The following SPON1 variants were observed in gnomAD, a reference collection of about 807,000 sequenced individuals.
SPON1 encodes spondin-1.
SPON1 carries 52 observed loss-of-function variants against 111.7 expected under a neutral mutation model. That is an observed-to-expected ratio of 0.47 (90% CI 0.37 to 0.59). The LOEUF (loss-of-function observed/expected upper bound fraction) is 0.59, where lower values mean the gene tolerates loss of function less well. SPON1 is among the 20% of genes least tolerant of loss of function. The pLI, the probability that SPON1 is intolerant of heterozygous loss-of-function variation, is 0.00. For missense variants in SPON1, 957 were observed against 1,068.5 expected (o/e 0.90, Z 1.46); for synonymous variants, 410 against 395.8 (o/e 1.04, Z -0.43).
At chr11:13,978,280 A>T (rs1185185152) in intron 1 of SPON1, among the ~76,000 whole-genome samples, 7 of 152,156 alleles carry the variant, frequency 4.6e-5, no homozygotes, top group African/African-American at 1.7e-4. Flanking sequence ...TGTCAATATC[A>T]CAAAGAGCAT....
intron 2 of SPON1, among the ~76,000 whole-genome samples, chr11:14,006,758 A>G (rs1431109368): frequency 6.6e-6 from 1 of 152,132 alleles, no homozygotes; most frequent in East Asian, 1.9e-4. Flanking sequence ...GCCCTGAATG[A>G]ACACATCTTT....
intron 7 of SPON1, among the ~76,000 whole-genome samples, chr11:14,252,487 G>C (rs1403984576): frequency 2.1e-5 from 3 of 142,240 alleles, no homozygotes; most frequent in African/African-American, 5.3e-5. Context: ...CCTGCGCAGA[G>C]TGTGGGAATC....
At chr11:14,187,438 G>T (rs961321021) in intron 6 of SPON1, among the ~76,000 whole-genome samples, 20 of 152,010 alleles carry the variant, frequency 1.3e-4, no homozygotes, top group Non-Finnish European at 4.4e-5. Flanking sequence ...CACCATATTG[G>T]TTTTTTTCAT....
At chr11:14,033,896 C>T (rs1848576065) in intron 2 of SPON1, among the ~76,000 whole-genome samples, 1 of 152,188 alleles carries the variant, frequency 6.6e-6, no homozygotes, top group Non-Finnish European at 1.5e-5. Flanking sequence ...AGGAGTCAAG[C>T]AGCTGCCTTA....
intron 6 of SPON1, among the ~76,000 whole-genome samples, chr11:14,200,705 C>T (rs1215471281): frequency 1.3e-5 from 2 of 150,696 alleles, no homozygotes; most frequent in Admixed American, 1.3e-4. Context: ...ATCCCAGCTA[C>T]TCAGGTGGCT....
At chr11:14,028,496 A>G (rs1289516408) in intron 2 of SPON1, among the ~76,000 whole-genome samples, 1 of 152,130 alleles carries the variant, frequency 6.6e-6, no homozygotes, top group Non-Finnish European at 1.5e-5. Context: ...ATAAAATTTT[A>G]AAAAAGAATA....
intron 2 of SPON1, among the ~76,000 whole-genome samples, chr11:14,006,857 T>C: frequency 6.6e-6 from 1 of 152,206 alleles, no homozygotes; most frequent in Non-Finnish European, 1.5e-5. Context: ...GCTAATTTCC[T>C]AGAGCTGCTG....
At chr11:14,036,202 T>C (rs1011434907) in intron 2 of SPON1, among the ~76,000 whole-genome samples, 1 of 152,214 alleles carries the variant, frequency 6.6e-6, no homozygotes, top group Non-Finnish European at 1.5e-5. Flanking sequence ...GAGATAATTA[T>C]ATTGTAATGA....
At chr11:14,065,935 AAG>A in intron 3 of SPON1, among the ~76,000 whole-genome samples, 2 of 152,160 alleles carry the variant, frequency 1.3e-5, no homozygotes, top group African/African-American at 2.4e-5. Context: ...CCCTGGACTC[AAG>A]GGGCTCTGAG....
intron 6 of SPON1, among the ~76,000 whole-genome samples, chr11:14,229,951 CGTGTGTGTGTGTGT>C (rs55709324): frequency 1.2e-4 from 17 of 144,968 alleles, no homozygotes; most frequent in East Asian, 4.1e-4. Context: ...TCTGTGTGTC[CGTGTGTGTGTGTGT>C]GTGTGTGTGT....
intron 2 of SPON1, among the ~76,000 whole-genome samples, chr11:14,024,419 A>G (rs1425121498): frequency 2.0e-5 from 3 of 152,142 alleles, no homozygotes; most frequent in African/African-American, 7.2e-5. Context: ...GCGCTCAGCA[A>G]GATGGATGGG....
intron 6 of SPON1, among the ~76,000 whole-genome samples, chr11:14,174,468 A>C (rs556075775): frequency 1.4e-4 from 22 of 152,166 alleles, no homozygotes; most frequent in Non-Finnish European, 2.2e-4. Flanking sequence ...CACAATGCAA[A>C]ACAGAACACA....
chr11:14,216,944 A>G (rs1848631932), intron 6 of SPON1, among the ~76,000 whole-genome samples: 1 of 152,232 alleles, frequency 6.6e-6, no homozygotes, highest in Non-Finnish European at 1.5e-5. Flanking sequence ...AAAGCAGCAT[A>G]ACTATTGTGT....
At chr11:14,021,997 T>G (rs1204664956) in intron 2 of SPON1, among the ~76,000 whole-genome samples, 7 of 152,180 alleles carry the variant, frequency 4.6e-5, no homozygotes, top group Non-Finnish European at 8.8e-5. Context: ...TTTTTATTGT[T>G]GAAAGCAGAA....
intron 6 of SPON1, among the ~76,000 whole-genome samples, chr11:14,233,885 C>G (rs187089960): frequency 4.7e-4 from 71 of 151,454 alleles, no homozygotes; most frequent in African/African-American, 1.7e-3. Flanking sequence ...GCCTCAGCCT[C>G]CCAAGTAGCT....
At chr11:14,012,154 C>T (rs1554913795) in intron 2 of SPON1, among the ~76,000 whole-genome samples, 5 of 152,092 alleles carry the variant, frequency 3.3e-5, no homozygotes, top group African/African-American at 1.2e-4. Flanking sequence ...TCCTCTTTAC[C>T]AGTTGGGACT....
At chr11:13,969,313 G>A (rs868986385) in intron 1 of SPON1, among the ~76,000 whole-genome samples, 1 of 152,222 alleles carries the variant, frequency 6.6e-6, no homozygotes, top group Middle Eastern at 3.4e-3. Context: ...TTGAGCTGGA[G>A]AAGTTGAGGC....
At chr11:14,163,579 C>A (rs1212780905) in intron 6 of SPON1, among the ~76,000 whole-genome samples, 1 of 152,068 alleles carries the variant, frequency 6.6e-6, no homozygotes, top group Non-Finnish European at 1.5e-5. Context: ...GTTCAGGCAT[C>A]CTCCATTCCC....
intron 5 of SPON1, among the ~76,000 whole-genome samples, chr11:14,124,081 A>G (rs1847429322): frequency 6.6e-6 from 1 of 152,164 alleles, no homozygotes; most frequent in African/African-American, 2.4e-5. Context: ...TCTGCTTCAC[A>G]TTGCCTTAAA....
Sources: allele counts gnomAD v4.1 joint callset (sites outside exome capture counted in the v4.1 genomes callset), GRCh38; gene constraint gnomAD v4.1.1; transcripts MANE v1.5; gene names NCBI Gene and HGNC (gene_info 2026-07-23, HGNC 2026-07-21).